The following ASTN2 variants were observed in gnomAD, a reference collection of about 807,000 sequenced individuals.
The protein encoded by ASTN2 is astrotactin-2.
Under a neutral mutation model 139.8 loss-of-function variants are expected in ASTN2, and 54 were observed. The observed-to-expected ratio is 0.39, with a 90% CI of 0.31 to 0.48. ASTN2 has a LOEUF of 0.48. Ranked by LOEUF, ASTN2 falls within the 20% of genes least tolerant of loss-of-function variation. The pLI is 0.95. For missense variants in ASTN2, 1,565 were observed against 1,725.1 expected, an observed-to-expected ratio of 0.91 and a Z score of 1.64; for synonymous variants, 756 against 719.5, an observed-to-expected ratio of 1.05 and a Z score of -0.81.
chr9:116,854,276 G>A (rs1178897027), intron 11 of ASTN2, among the ~76,000 whole-genome samples: 6 of 152,172 alleles, frequency 3.9e-5, no homozygotes, highest in Non-Finnish European at 1.5e-5. Flanking sequence ...AATAATAATA[G>A]CAACCATGTT....
At chr9:116,544,524 GGAT>G (rs1181661991) in intron 19 of ASTN2, among the ~76,000 whole-genome samples, 2 of 152,306 alleles carry the variant, frequency 1.3e-5, no homozygotes, top group East Asian at 3.9e-4. Flanking sequence ...AAAGAGGAAA[GGAT>G]GATTTGGGTT....
At chr9:116,625,083 G>A (rs1396430931) in intron 17 of ASTN2, among the ~76,000 whole-genome samples, 1 of 152,100 alleles carries the variant, frequency 6.6e-6, no homozygotes. Context: ...ATGTCAGTTT[G>A]GTGCTTCTAG....
At chr9:117,372,224 C>T (rs1830009220) in intron 1 of ASTN2, among the ~76,000 whole-genome samples, 1 of 152,174 alleles carries the variant, frequency 6.6e-6, no homozygotes, top group African/African-American at 2.4e-5. Flanking sequence ...CACATTAGCC[C>T]TGCACCTGCC....
intron 10 of ASTN2, among the ~76,000 whole-genome samples, chr9:116,921,446 G>A (rs1008458759): frequency 6.6e-6 from 1 of 152,064 alleles, no homozygotes; most frequent in Non-Finnish European, 1.5e-5. Flanking sequence ...AAATTAGCCA[G>A]GTGTGGTGGA....
chr9:116,790,797 C>T (rs1438604827), intron 13 of ASTN2, among the ~76,000 whole-genome samples: 2 of 151,234 alleles, frequency 1.3e-5, no homozygotes, highest in African/African-American at 4.9e-5. Flanking sequence ...GCCTCAGCCT[C>T]CCGAGTAGCT....
intron 6 of ASTN2, among the ~76,000 whole-genome samples, chr9:117,010,436 G>A (rs1247464919): frequency 6.6e-6 from 1 of 152,168 alleles, no homozygotes; most frequent in Non-Finnish European, 1.5e-5. Flanking sequence ...TCCCAGGGCT[G>A]AGTTTGGTTA....
intron 10 of ASTN2, among the ~76,000 whole-genome samples, chr9:116,963,091 G>A (rs182020701): frequency 6.6e-6 from 1 of 152,272 alleles, no homozygotes; most frequent in Non-Finnish European, 1.5e-5. Flanking sequence ...AACTACAATT[G>A]ACTCCAATGC....
chr9:116,676,857 G>A (rs900501267), intron 16 of ASTN2, among the ~76,000 whole-genome samples: 1 of 152,166 alleles, frequency 6.6e-6, no homozygotes, highest in African/African-American at 2.4e-5. Context: ...CCCCATGGTA[G>A]TTTCTGATTT....
At chr9:117,289,954 A>C (rs1834546236) in intron 2 of ASTN2, among the ~76,000 whole-genome samples, 1 of 152,208 alleles carries the variant, frequency 6.6e-6, no homozygotes, top group Admixed American at 6.5e-5. Flanking sequence ...CTAAGATCTT[A>C]CTCAGCCCTA....
chr9:117,171,320 C>T (rs1830788288), intron 3 of ASTN2, among the ~76,000 whole-genome samples: 1 of 152,086 alleles, frequency 6.6e-6, no homozygotes, highest in Non-Finnish European at 1.5e-5. Flanking sequence ...CAGAGAAAGC[C>T]CTGCCTGCAT....
chr9:117,156,923 A>C (rs777893736), intron 3 of ASTN2, among the ~76,000 whole-genome samples: 1 of 152,044 alleles, frequency 6.6e-6, no homozygotes, highest in South Asian at 2.1e-4. Flanking sequence ...ACCTTGCCTC[A>C]ACATGTATGA....
chr9:117,215,626 T>A (rs1033425253), intron 2 of ASTN2, among the ~76,000 whole-genome samples: 2 of 152,128 alleles, frequency 1.3e-5, no homozygotes, highest in Non-Finnish European at 2.9e-5. Flanking sequence ...GTCTGTAAGA[T>A]CCTTCAGGGC....
At position 117,374,369 on chromosome 9, in the gene ASTN2, T is replaced by TAAAAAAAAAAAAAAAAAAAAAAAAAAAAA. The variant is rs57428022; in HGVS notation, c.442+40127_442+40128insTTTTTTTTTTTTTTTTTTTTTTTTTTTTT. On this transcript the variant is annotated intron_variant, in intron 1 of 22. Coordinates refer to ENST00000313400, the MANE Select transcript of ASTN2 (RefSeq NM_001365068.1). ...TTATGAGGCTGCATAAGGGCAGGGT[T>TAAAAAAAAAAAAAAAAAAAAAAAAAAAAA]AAAAAAAAAAAAAAAAAAAAAAAAG... Among the ~76,000 whole-genome samples the TAAAAAAAAAAAAAAAAAAAAAAAAAAAAA allele has an allele frequency of 3.4e-5, 3 of 87,340 alleles. 1 individual carries two copies. The highest frequency in any genetic ancestry group is 1.7e-4 in the African/African-American group (3 of 18,080). 57.3% of individuals were successfully genotyped at this position (87,340 alleles called of 152,430 possible).
chr9:116,991,401 T>A (rs2132551928), intron 7 of ASTN2, among the ~76,000 whole-genome samples: 1 of 152,124 alleles, frequency 6.6e-6, no homozygotes, highest in East Asian at 1.9e-4. Flanking sequence ...CATCATGCCT[T>A]CCATTTCATC....
chr9:116,863,589 T>C lies in ASTN2; in HGVS notation c.2034A>G (p.Gly678=), dbSNP rs1832948782. The C allele has an allele frequency of 2.5e-6, 4 of 1,614,008 alleles. No individual in the cohort carries two copies. The highest frequency in any genetic ancestry group is 3.4e-6 in the Non-Finnish European group (4 of 1,179,956). Residue 678 remains glycine, a synonymous_variant, in exon 11 of 23, where the codon GGA becomes GGG. Transcript: ENST00000313400. ...CGGGCCAATGGGCACTTACCACACATCCCGAGGAATCCACCTGCCGGTCAG... is the reference window on the plus strand; with the variant it reads ...CGGGCCAATGGGCACTTACCACACACCCCGAGGAATCCACCTGCCGGTCAG... The part of the protein sequence containing the change: ...CVSDRQVDSS[G]CVCPEELKPM...
At chr9:117,234,380 C>A (rs928146763) in intron 2 of ASTN2, among the ~76,000 whole-genome samples, 1 of 152,176 alleles carries the variant, frequency 6.6e-6, no homozygotes, top group African/African-American at 2.4e-5. Context: ...TCTCCAGCGC[C>A]AGCTAATCCC....
chr9:116,649,393 T>C (rs890425702), intron 17 of ASTN2, among the ~76,000 whole-genome samples: 1 of 151,820 alleles, frequency 6.6e-6, no homozygotes. Context: ...ACCAACATGG[T>C]GAAACCCCAT....
chr9:116,793,403 G>C (rs1392679330), intron 13 of ASTN2, among the ~76,000 whole-genome samples: 3 of 152,166 alleles, frequency 2.0e-5, no homozygotes, highest in Non-Finnish European at 4.4e-5. Flanking sequence ...CCCTCATGGA[G>C]CATATGTTAT....
chr9:116,737,610 CGTGTGTGTGTGTGT>C (rs57891581), intron 13 of ASTN2, among the ~76,000 whole-genome samples: 4 of 137,348 alleles, frequency 2.9e-5, no homozygotes, highest in South Asian at 2.7e-4. Context: ...CATGTGCCAA[CGTGTGTGTGTGTGT>C]GTGTGTGTGT....
Sources: allele counts gnomAD v4.1 joint callset (sites outside exome capture counted in the v4.1 genomes callset), GRCh38; gene constraint gnomAD v4.1.1; transcripts MANE v1.5; gene names NCBI Gene and HGNC (gene_info 2026-07-23, HGNC 2026-07-21).